Variants in SMYD3 observed in about 807,000 individuals in gnomAD.
The protein encoded by SMYD3 is SET and MYND domain containing 3, also known as histone-lysine N-methyltransferase SMYD3.
Under a neutral mutation model 57.7 loss-of-function variants are expected in SMYD3, and 36 were observed. That is an observed-to-expected ratio of 0.62 (90% CI 0.48 to 0.82). The LOEUF (loss-of-function observed/expected upper bound fraction) is 0.82, where lower values mean the gene tolerates loss of function less well. SMYD3 is among the 40% of genes least tolerant of loss of function. SMYD3 has a pLI of 0.00. For missense variants in SMYD3, 515 were observed against 538.8 expected (o/e 0.96, Z 0.44); for synonymous variants, 211 against 195.0 (o/e 1.08, Z -0.68).
chr1:246,056,534 A>G (rs1022314195), intron 5 of SMYD3, among the ~76,000 whole-genome samples: 1 of 151,930 alleles, frequency 6.6e-6, no homozygotes, highest in African/African-American at 2.4e-5. Flanking sequence ...AGCCTTCACA[A>G]ATGTGCATTG....
chr1:245,762,758 T>C (rs1193017502), intron 11 of SMYD3, among the ~76,000 whole-genome samples: 1 of 152,212 alleles, frequency 6.6e-6, no homozygotes, highest in Admixed American at 6.5e-5. Flanking sequence ...TCGGCATTTG[T>C]CATTTCTCTT....
Position 246,337,499 on chromosome 1 carries a change from C to T in SMYD3, c.229-2025G>A, listed in dbSNP as rs145682200. 5.0e-3 allele frequency among the ~76,000 whole-genome samples: 762 copies of T among 152,132 alleles called. 6 individuals are homozygous for T. Among genetic ancestry groups the T allele is most frequent in the Middle Eastern group, 0.01 (3 of 294 alleles). On this transcript the variant is annotated intron_variant, in intron 2 of 11. Coordinates refer to ENST00000490107, the MANE Select transcript of SMYD3 (RefSeq NM_001167740.2). ...GAATGTTAACTTTTTTGGTTTTTTA[C>T]TGATAGAAGGGAGAACCATAACTTT...
At chr1:246,299,673 G>T (rs1157207087) in intron 5 of SMYD3, among the ~76,000 whole-genome samples, 1 of 151,990 alleles carries the variant, frequency 6.6e-6, no homozygotes, top group Non-Finnish European at 1.5e-5. Context: ...AAAGGAGATG[G>T]TATCCTTTGC....
At chr1:245,935,050 T>C (rs1284224347) in intron 5 of SMYD3, among the ~76,000 whole-genome samples, 1 of 152,192 alleles carries the variant, frequency 6.6e-6, no homozygotes, top group African/African-American at 2.4e-5. Flanking sequence ...AAGCACAATG[T>C]AGACAAATGG....
intron 5 of SMYD3, among the ~76,000 whole-genome samples, chr1:246,031,541 T>A (rs935481266): frequency 6.6e-6 from 1 of 152,016 alleles, no homozygotes; most frequent in Admixed American, 6.6e-5. Context: ...ATCAAAACCA[T>A]CCTGGCTAAC....
At chr1:245,863,694 C>A in intron 9 of SMYD3, 105 bp downstream of exon 9, 1 of 954,296 alleles carries the variant, frequency 1.0e-6, no homozygotes, top group Non-Finnish European at 1.6e-6. Context: ...AAACCACTGG[C>A]TCATGGAGAG....
intron 11 of SMYD3, among the ~76,000 whole-genome samples, chr1:245,751,600 G>GAT (rs2045375292): frequency 1.4e-5 from 2 of 146,176 alleles, no homozygotes; most frequent in African/African-American, 5.2e-5. Flanking sequence ...GAGAAAGAGA[G>GAT]AGAGAGAAAG....
At chr1:245,883,479 A>T (rs1043917513) in intron 8 of SMYD3, among the ~76,000 whole-genome samples, 5 of 152,200 alleles carry the variant, frequency 3.3e-5, no homozygotes, top group Admixed American at 3.3e-4. Flanking sequence ...TCATTTTTAA[A>T]TTCATTCTCA....
chr1:246,264,338 A>C (rs781732177), intron 5 of SMYD3, among the ~76,000 whole-genome samples: 1 of 152,216 alleles, frequency 6.6e-6, no homozygotes, highest in Non-Finnish European at 1.5e-5. Flanking sequence ...AGTGCTAAAA[A>C]TATGGTAATT....
At chr1:246,026,010 C>G (rs2059566979) in intron 5 of SMYD3, 1 of 152,230 alleles carries the variant, frequency 6.6e-6, no homozygotes, top group Admixed American at 6.5e-5. Context: ...TGGGAAGTCC[C>G]AGCTACTTGG....
At chr1:246,424,287 T>A (rs1318658130) in intron 1 of SMYD3, among the ~76,000 whole-genome samples, 1 of 151,956 alleles carries the variant, frequency 6.6e-6, no homozygotes, top group African/African-American at 2.4e-5. Flanking sequence ...GAGTTAGAGA[T>A]AGATGTTTTA....
chr1:246,482,739 T>C (rs1455817847), intron 1 of SMYD3, among the ~76,000 whole-genome samples: 1 of 152,182 alleles, frequency 6.6e-6, no homozygotes, highest in Non-Finnish European at 1.5e-5. Context: ...ATATGTTTTA[T>C]AAACATAAGA....
intron 10 of SMYD3, among the ~76,000 whole-genome samples, chr1:245,808,873 G>T (rs7546671): frequency 2.0e-5 from 3 of 151,812 alleles, no homozygotes; most frequent in African/African-American, 7.3e-5. Flanking sequence ...AGCGATTCTC[G>T]TGCCTCAGCC....
chr1:245,886,032 G>A lies in SMYD3; in HGVS notation c.814-22146C>T, dbSNP rs150498718. On this transcript the variant is annotated intron_variant, in intron 8 of 11. Transcript: ENST00000490107. Reference sequence around the variant, plus strand: ...TTATTAATTGGCTGCTACTTTATGTGTTCCATTTTAAAAGGCACAATAAAT... The same window carrying A: ...TTATTAATTGGCTGCTACTTTATGTATTCCATTTTAAAAGGCACAATAAAT... 2.1e-3 allele frequency among the ~76,000 whole-genome samples: 320 copies of A among 152,210 alleles called. 2 individuals are homozygous for A. Among genetic ancestry groups the A allele is most frequent in the African/African-American group, 7.2e-3 (301 of 41,526 alleles).
At chr1:246,363,181 C>T (rs2066030868) in intron 1 of SMYD3, among the ~76,000 whole-genome samples, 1 of 151,428 alleles carries the variant, frequency 6.6e-6, no homozygotes. Context: ...AGCCCCTCCG[C>T]CCGGCAGCCA....
At chr1:246,157,531 TC>T (rs1654622121) in intron 5 of SMYD3, among the ~76,000 whole-genome samples, 1 of 152,126 alleles carries the variant, frequency 6.6e-6, no homozygotes, top group African/African-American at 2.4e-5. Flanking sequence ...CTGTCCTTTG[TC>T]AGATGCAAAA....
intron 10 of SMYD3, among the ~76,000 whole-genome samples, chr1:245,836,412 T>C (rs988261718): frequency 6.6e-6 from 1 of 152,222 alleles, no homozygotes; most frequent in African/African-American, 2.4e-5. Flanking sequence ...CATTCAGGGC[T>C]GGCCATAGGG....
intron 5 of SMYD3, among the ~76,000 whole-genome samples, chr1:245,956,952 A>T (rs2057862840): frequency 6.6e-6 from 1 of 152,242 alleles, no homozygotes; most frequent in African/African-American, 2.4e-5. Flanking sequence ...ACCCCTGGAA[A>T]ACTGATCACC....
chr1:246,344,343 A>G (rs2065677892), intron 2 of SMYD3, among the ~76,000 whole-genome samples: 2 of 152,230 alleles, frequency 1.3e-5, no homozygotes, highest in South Asian at 4.1e-4. Flanking sequence ...AGTTTTGTCT[A>G]GCCTAGAACA....
Sources: gnomAD v4.1 joint callset for allele counts (sites outside exome capture counted in the v4.1 genomes callset) on GRCh38, gnomAD v4.1.1 for gene constraint, MANE v1.5 for transcripts, NCBI Gene and HGNC (gene_info 2026-07-23, HGNC 2026-07-21) for gene names.